UBE3D: variants seen among roughly 807,000 people sequenced by gnomAD.
UBE3D encodes ubiquitin protein ligase E3D.
A neutral mutation model predicts 49.6 loss-of-function variants in UBE3D; 48 were observed. The ratio of observed to expected loss-of-function variants is 0.97; its 90% CI spans 0.77 to 1.23. UBE3D has a LOEUF of 1.23. Ranked by LOEUF, UBE3D falls within the 50% of genes most tolerant of loss-of-function variation. The probability of loss-of-function intolerance (pLI) is 0.00; values close to 1 mark genes in which losing one functional copy is unlikely to be tolerated. For synonymous variants in UBE3D, 189 were observed against 174.2 expected, an observed-to-expected ratio of 1.08 and a Z score of -0.67; for missense variants, 452 against 468.4, an observed-to-expected ratio of 0.96 and a Z score of 0.32.
At chr6:83,063,569 G>T (rs1784314765) in intron 1 of UBE3D, among the ~76,000 whole-genome samples, 2 of 151,792 alleles carry the variant, frequency 1.3e-5, no homozygotes, top group African/African-American at 4.8e-5. Flanking sequence ...CTGATTATGG[G>T]CAAAAAAAAT....
intron 9 of UBE3D, among the ~76,000 whole-genome samples, chr6:82,936,891 T>C (rs955460124): frequency 6.6e-6 from 1 of 152,214 alleles, no homozygotes; most frequent in Non-Finnish European, 1.5e-5. Context: ...TACTAGAAGT[T>C]AGAATCAGTT....
intron 9 of UBE3D, among the ~76,000 whole-genome samples, chr6:82,915,297 G>C (rs1018050421): frequency 6.6e-6 from 1 of 152,140 alleles, no homozygotes; most frequent in Non-Finnish European, 1.5e-5. Flanking sequence ...GATTACAGGA[G>C]ATCACAGAAA....
intron 1 of UBE3D, among the ~76,000 whole-genome samples, chr6:83,064,528 C>T (rs1237809181): frequency 1.3e-5 from 2 of 152,082 alleles, no homozygotes; most frequent in African/African-American, 2.4e-5. Context: ...GGTACCTTGC[C>T]TAAACAAAGG....
chr6:83,046,232 A>G (rs1016732544), intron 3 of UBE3D, among the ~76,000 whole-genome samples: 1 of 151,138 alleles, frequency 6.6e-6, no homozygotes, highest in Non-Finnish European at 1.5e-5. Context: ...TGTGAATGCT[A>G]CTTTTTTTTT....
At chr6:82,910,539 C>T (rs535725029) in intron 9 of UBE3D, among the ~76,000 whole-genome samples, 1 of 152,142 alleles carries the variant, frequency 6.6e-6, no homozygotes, top group Admixed American at 6.5e-5. Context: ...AAACTTTGCT[C>T]AGAGCTCTGC....
chr6:83,004,070 T>C (rs1401810529), intron 8 of UBE3D, among the ~76,000 whole-genome samples: 1 of 152,210 alleles, frequency 6.6e-6, no homozygotes, highest in Non-Finnish European at 1.5e-5. Context: ...GCATTGGACT[T>C]CTAAAGAAAA....
chr6:82,918,288 A>C (rs907746121), intron 9 of UBE3D, among the ~76,000 whole-genome samples: 1 of 106,296 alleles, frequency 9.4e-6, no homozygotes, highest in Non-Finnish European at 2.4e-5. Flanking sequence ...CAACAACAAC[A>C]ACAAAAAAAA....
intron 9 of UBE3D, among the ~76,000 whole-genome samples, chr6:82,931,838 T>A (rs1019117613): frequency 9.2e-5 from 14 of 152,186 alleles, no homozygotes; most frequent in Admixed American, 3.9e-4. Flanking sequence ...GTACATGAGA[T>A]CTGGGAGGGG....
chr6:83,065,039 G>T (rs973702342), intron 1 of UBE3D, among the ~76,000 whole-genome samples: 1 of 152,278 alleles, frequency 6.6e-6, no homozygotes, highest in African/African-American at 2.4e-5. Flanking sequence ...TTTGTGTAGC[G>T]AATAACAAGT....
At chr6:82,993,228 C>T (rs1391644114) in intron 8 of UBE3D, among the ~76,000 whole-genome samples, 1 of 152,006 alleles carries the variant, frequency 6.6e-6, no homozygotes, top group South Asian at 2.1e-4. Flanking sequence ...AATATAAATT[C>T]TCTTCCTTTG....
intron 2 of UBE3D, among the ~76,000 whole-genome samples, chr6:83,055,384 G>A (rs1011636142): frequency 2.6e-5 from 4 of 152,226 alleles, no homozygotes; most frequent in Admixed American, 1.3e-4. Context: ...GAAGGTTTAC[G>A]CCTTGGCAAT....
rs943407947 is a variant in UBE3D at position 83,065,764 on chromosome 6, G to A, written c.-46C>T. On this transcript the variant is annotated 5_prime_UTR_variant, in exon 1 of 10. Transcript: ENST00000369747. ...CCGGACCAAGCTGGAGGTTCCGAGG[G>A]GCCCGGGTCAACAGGACCAGGAGAG... 21 of 1,566,416 alleles carry A rather than the reference G, an allele frequency of 1.3e-5. No individual in the cohort carries two copies. Among genetic ancestry groups the A allele is most frequent in the African/African-American group, 6.8e-5 (5 of 73,542 alleles).
chr6:82,991,996 C>CA (rs1395192354), intron 8 of UBE3D, among the ~76,000 whole-genome samples: 2 of 114,404 alleles, frequency 1.7e-5, no homozygotes, highest in Admixed American at 1.7e-4. Flanking sequence ...TCATGTAAAA[C>CA]AAAAAACAAA....
Position 82,947,649 on chromosome 6 carries a change from T to C in UBE3D, c.1149+9663A>G, listed in dbSNP as rs188934793. Reference sequence around the variant, plus strand: ...TAAGTCTTAAAACACTCAAAACACATTGAAATAACATCAAGCATCTTCTCT... The same window carrying C: ...TAAGTCTTAAAACACTCAAAACACACTGAAATAACATCAAGCATCTTCTCT... On this transcript the variant is annotated intron_variant, in intron 9 of 9. Transcript: ENST00000369747. Among the ~76,000 whole-genome samples the C allele has an allele frequency of 9.9e-4, 151 of 151,976 alleles. No homozygotes were observed. The Middle Eastern group carries it at 0.02, about 21-fold the overall frequency.
At chr6:82,884,785 G>T in the UBE3D span, among the ~76,000 whole-genome samples, 1 of 152,194 alleles carries the variant, frequency 6.6e-6, no homozygotes, top group South Asian at 2.1e-4. Context: ...AATACGAATG[G>T]AAGGGAGGAG....
chr6:82,884,200 G>A, the UBE3D span, among the ~76,000 whole-genome samples: 38 of 152,266 alleles, frequency 2.5e-4, no homozygotes, highest in South Asian at 8.3e-4. Context: ...ACATGGTGGA[G>A]AGGATCAACC....
At chr6:83,006,633 G>GA (rs1290668435) in intron 8 of UBE3D, among the ~76,000 whole-genome samples, 1 of 152,036 alleles carries the variant, frequency 6.6e-6, no homozygotes, top group Non-Finnish European at 1.5e-5. Flanking sequence ...TTAGCCTCCA[G>GA]AAAAAAATAA....
At chr6:83,003,168 A>G (rs1779747656) in intron 8 of UBE3D, among the ~76,000 whole-genome samples, 1 of 152,198 alleles carries the variant, frequency 6.6e-6, no homozygotes, top group African/African-American at 2.4e-5. Flanking sequence ...TTATAAAACT[A>G]TCTCACATAC....
intron 5 of UBE3D, among the ~76,000 whole-genome samples, chr6:83,030,049 A>G: frequency 6.6e-6 from 1 of 152,180 alleles, no homozygotes; most frequent in East Asian, 1.9e-4. Flanking sequence ...CTGAAAATAC[A>G]TATAATAGAT....
Sources: gnomAD v4.1 joint callset for allele counts (sites outside exome capture counted in the v4.1 genomes callset) on GRCh38, gnomAD v4.1.1 for gene constraint, MANE v1.5 for transcripts, NCBI Gene and HGNC (gene_info 2026-07-23, HGNC 2026-07-21) for gene names.